KHDRBS3: variants seen among roughly 807,000 people sequenced by gnomAD.
The protein encoded by KHDRBS3 is KH domain-containing, RNA-binding, signal transduction-associated protein 3.
KHDRBS3 carries 23 observed loss-of-function variants against 45.6 expected under a neutral mutation model. The ratio of observed to expected loss-of-function variants is 0.50; its 90% CI spans 0.36 to 0.72. KHDRBS3 has a LOEUF of 0.72. Among genes scored for constraint, KHDRBS3 ranks in the 30% least tolerant of loss-of-function variants. The probability of loss-of-function intolerance (pLI) is 0.00; values close to 1 mark genes in which losing one functional copy is unlikely to be tolerated. For synonymous variants in KHDRBS3, 162 were observed against 156.5 expected (o/e 1.04, Z -0.26); for missense variants, 352 against 424.8 (o/e 0.83, Z 1.51).
At chr8:135,587,864 A>T (rs1223770608) in intron 6 of KHDRBS3, among the ~76,000 whole-genome samples, 1 of 152,192 alleles carries the variant, frequency 6.6e-6, no homozygotes, top group Non-Finnish European at 1.5e-5. Context: ...TCAGTATGGT[A>T]GTTTTATCTA....
intron 1 of KHDRBS3, among the ~76,000 whole-genome samples, chr8:135,482,248 A>AAC (rs1156849507): frequency 5.3e-5 from 8 of 152,334 alleles, no homozygotes; most frequent in African/African-American, 1.9e-4. Flanking sequence ...TTAACTTATT[A>AAC]TAGTGGCTAA....
chr8:135,621,211 A>G (rs1307043196), intron 7 of KHDRBS3, among the ~76,000 whole-genome samples: 1 of 151,934 alleles, frequency 6.6e-6, no homozygotes, highest in African/African-American at 2.4e-5. Flanking sequence ...AGCAGCTACT[A>G]TAAATTCTTT....
chr8:135,628,033 C>T (rs555200306), intron 7 of KHDRBS3, among the ~76,000 whole-genome samples: 1 of 152,308 alleles, frequency 6.6e-6, no homozygotes, highest in East Asian at 1.9e-4. Flanking sequence ...TTTCTTATTA[C>T]TAAGCCAGAA....
At chr8:135,655,846 T>C (rs914002693) in intron 4 of KHDRBS3, among the ~76,000 whole-genome samples, 1 of 152,226 alleles carries the variant, frequency 6.6e-6, no homozygotes, top group Non-Finnish European at 1.5e-5. Flanking sequence ...ATTTAAAATA[T>C]ATCTGAAAGT....
chr8:135,517,753 T>C (rs1040743319), intron 1 of KHDRBS3, among the ~76,000 whole-genome samples: 4 of 152,180 alleles, frequency 2.6e-5, no homozygotes, highest in Non-Finnish European at 5.9e-5. Context: ...CTTTGCATTG[T>C]TGTGTGGTGC....
chr8:135,565,285 TGA>T (rs1463630679), intron 5 of KHDRBS3, among the ~76,000 whole-genome samples: 2 of 151,756 alleles, frequency 1.3e-5, no homozygotes, highest in South Asian at 2.1e-4. Context: ...AATGAAGAGG[TGA>T]GAGGGGAGGG....
At chr8:135,596,818 C>T (rs532773379) in intron 6 of KHDRBS3, among the ~76,000 whole-genome samples, 111 of 152,190 alleles carry the variant, frequency 7.3e-4, no homozygotes, top group African/African-American at 2.4e-3. Context: ...AGAACTAGTA[C>T]GCTGGAAGTT....
chr8:135,628,743 T>C (rs1830475985), intron 7 of KHDRBS3, among the ~76,000 whole-genome samples: 1 of 152,214 alleles, frequency 6.6e-6, no homozygotes, highest in African/African-American at 2.4e-5. Context: ...TGCTTCCTTA[T>C]TGCTTCCTCT....
intron 1 of KHDRBS3, among the ~76,000 whole-genome samples, chr8:135,512,923 G>C (rs1563733756): frequency 6.6e-6 from 1 of 152,150 alleles, no homozygotes; most frequent in East Asian, 1.9e-4. Flanking sequence ...TTTTAATTAA[G>C]AGCTGGAGGC....
intron 1 of KHDRBS3, among the ~76,000 whole-genome samples, chr8:135,474,545 A>G (rs1243440259): frequency 6.6e-6 from 1 of 152,214 alleles, no homozygotes; most frequent in East Asian, 1.9e-4. Flanking sequence ...ATATTGTTTA[A>G]TAGTCTCTAA....
intron 1 of KHDRBS3, among the ~76,000 whole-genome samples, chr8:135,497,068 G>A (rs117381887): frequency 1.7e-3 from 257 of 152,328 alleles, no homozygotes; most frequent in Admixed American, 4.1e-3. Flanking sequence ...GACTGAAGAG[G>A]AAGTGAATTA....
At chr8:135,615,258 T>G (rs964168352) in intron 7 of KHDRBS3, among the ~76,000 whole-genome samples, 5 of 151,840 alleles carry the variant, frequency 3.3e-5, no homozygotes, top group African/African-American at 1.2e-4. Context: ...CTTTGTCAGC[T>G]CTGACAGGGA....
chr8:135,496,083 G>C (rs942491639), intron 1 of KHDRBS3, among the ~76,000 whole-genome samples: 5 of 149,424 alleles, frequency 3.3e-5, no homozygotes, highest in African/African-American at 1.2e-4. Context: ...CTGAATCCTT[G>C]AGCTGAGGGG....
At chr8:135,606,927 T>C in intron 6 of KHDRBS3, 28 bp from the exon 7 acceptor site, 1 of 1,559,262 alleles carries the variant, frequency 6.4e-7, no homozygotes, top group Non-Finnish European at 8.8e-7. Context: ...TCTCTGAATG[T>C]TTTTGTACTT....
intron 7 of KHDRBS3, among the ~76,000 whole-genome samples, chr8:135,634,900 T>C (rs1356394241): frequency 1.3e-5 from 2 of 152,342 alleles, no homozygotes; most frequent in South Asian, 2.1e-4. Flanking sequence ...ATGCTCACTC[T>C]GCCGGCCTCC....
chr8:135,597,599 G>T (rs1829030440), intron 6 of KHDRBS3, among the ~76,000 whole-genome samples: 1 of 151,884 alleles, frequency 6.6e-6, no homozygotes, highest in African/African-American at 2.4e-5. Flanking sequence ...TATTTTGCTT[G>T]GTTTTGTTTC....
At chr8:135,615,090 T>A (rs752446198) in intron 7 of KHDRBS3, among the ~76,000 whole-genome samples, 9 of 151,806 alleles carry the variant, frequency 5.9e-5, no homozygotes, top group Non-Finnish European at 1.2e-4. Context: ...ATAAGGAACC[T>A]GATCAGATAC....
At chr8:135,606,837 A>C (rs535043133) in intron 6 of KHDRBS3, 118 bp from the exon 7 acceptor site, 2 of 703,810 alleles carry the variant, frequency 2.8e-6, no homozygotes, top group Admixed American at 2.4e-5. Context: ...TCTTTACACT[A>C]TAAGTAGACA....
intron 1 of KHDRBS3, among the ~76,000 whole-genome samples, chr8:135,516,841 A>C (rs1221497830): frequency 6.6e-6 from 1 of 152,204 alleles, no homozygotes; most frequent in Non-Finnish European, 1.5e-5. Context: ...TCTAGAAATG[A>C]AGTTGCTAGA....
Sources: gnomAD v4.1 joint callset for allele counts (sites outside exome capture counted in the v4.1 genomes callset) on GRCh38, gnomAD v4.1.1 for gene constraint, MANE v1.5 for transcripts, NCBI Gene and HGNC (gene_info 2026-07-23, HGNC 2026-07-21) for gene names.